CACNB2: variants seen among roughly 807,000 people sequenced by gnomAD.
The protein encoded by CACNB2 is calcium voltage-gated channel auxiliary subunit beta 2.
In CACNB2, 42 loss-of-function variants were observed where a neutral mutation model predicts 73.3. The observed-to-expected ratio is 0.57, with a 90% CI of 0.45 to 0.74. The LOEUF is 0.74. Among genes scored for constraint, CACNB2 ranks in the 30% least tolerant of loss-of-function variants. The pLI is 0.00. For synonymous variants in CACNB2, 348 were observed against 310.3 expected (o/e 1.12, Z -1.28); for missense variants, 940 against 853.0 (o/e 1.10, Z -1.27).
chr10:18,328,173 A>G (rs536828478), intron 2 of CACNB2, among the ~76,000 whole-genome samples: 1 of 152,304 alleles, frequency 6.6e-6, no homozygotes, highest in Non-Finnish European at 1.5e-5. Context: ...CTGAACAATG[A>G]TGAACCATGC....
At chr10:18,415,167 G>T (rs2044872950) in intron 3 of CACNB2, among the ~76,000 whole-genome samples, 1 of 152,144 alleles carries the variant, frequency 6.6e-6, no homozygotes, top group Non-Finnish European at 1.5e-5. Context: ...GTAGCTATCA[G>T]ACTTAAAGCA....
chr10:18,216,865 A>G (rs1029356743), intron 2 of CACNB2, among the ~76,000 whole-genome samples: 5 of 152,248 alleles, frequency 3.3e-5, no homozygotes, highest in African/African-American at 1.2e-4. Flanking sequence ...CCCAGGTCAT[A>G]GGACCAATGA....
chr10:18,305,548 T>C (rs1032459609), intron 2 of CACNB2, among the ~76,000 whole-genome samples: 4 of 152,328 alleles, frequency 2.6e-5, no homozygotes, highest in Non-Finnish European at 4.4e-5. Context: ...AAGACAGTCT[T>C]TCATTATTAC....
intron 2 of CACNB2, among the ~76,000 whole-genome samples, chr10:18,288,933 T>C (rs960589706): frequency 3.3e-5 from 5 of 152,062 alleles, no homozygotes; most frequent in African/African-American, 1.2e-4. Context: ...TCCTCCCAGC[T>C]ACTCAGGAGG....
chr10:18,207,311 T>C, intron 2 of CACNB2, among the ~76,000 whole-genome samples: 1 of 152,204 alleles, frequency 6.6e-6, no homozygotes, highest in East Asian at 1.9e-4. Context: ...AATGCTGGGA[T>C]TACAGGCATG....
At chr10:18,322,574 C>T (rs2131963170) in intron 2 of CACNB2, among the ~76,000 whole-genome samples, 1 of 152,228 alleles carries the variant, frequency 6.6e-6, no homozygotes, top group Non-Finnish European at 1.5e-5. Context: ...TGTGATATCT[C>T]TAATTATATG....
At chr10:18,511,895 A>T (rs577159917) in intron 6 of CACNB2, among the ~76,000 whole-genome samples, 1 of 152,224 alleles carries the variant, frequency 6.6e-6, no homozygotes, top group South Asian at 2.1e-4. Context: ...CTTACGCAGG[A>T]GGAGTAGGTC....
chr10:18,464,797 G>A (rs988536459), intron 3 of CACNB2, among the ~76,000 whole-genome samples: 8 of 152,220 alleles, frequency 5.3e-5, no homozygotes, highest in Admixed American at 1.3e-4. Flanking sequence ...ACGCAGGGGC[G>A]GTAGGAATGG....
chr10:18,418,514 C>G (rs1273054186), intron 3 of CACNB2, among the ~76,000 whole-genome samples: 1 of 152,192 alleles, frequency 6.6e-6, no homozygotes, highest in Non-Finnish European at 1.5e-5. Context: ...TGTAATCTAG[C>G]TTAATAGGCA....
intron 2 of CACNB2, among the ~76,000 whole-genome samples, chr10:18,227,388 T>C (rs933341462): frequency 1.3e-5 from 2 of 151,502 alleles, no homozygotes. Context: ...TCAGAGGGTA[T>C]GCAGTCAAAG....
chr10:18,220,232 T>G (rs2489202), intron 2 of CACNB2, among the ~76,000 whole-genome samples: 4,427 of 24,934 alleles, frequency 0.18, 530 homozygotes, highest in Non-Finnish European at 0.18. Context: ...TATATATATA[T>G]AGAGAGAGAG....
chr10:18,282,685 G>T (rs1281468934), intron 2 of CACNB2, among the ~76,000 whole-genome samples: 2 of 152,190 alleles, frequency 1.3e-5, no homozygotes, highest in African/African-American at 4.8e-5. Context: ...TGGACAAGGA[G>T]TTGCTTTTTT....
At chr10:18,358,966 C>G (rs537133950) in intron 2 of CACNB2, among the ~76,000 whole-genome samples, 2 of 152,178 alleles carry the variant, frequency 1.3e-5, no homozygotes, top group African/African-American at 4.8e-5. Flanking sequence ...CTTATGCAAT[C>G]TTTTTTATGT....
Position 18,290,112 on chromosome 10 carries a change from C to CTT in CACNB2, c.214-111786_214-111785dup, listed in dbSNP as rs992393946. 9.5e-3 allele frequency among the ~76,000 whole-genome samples: 474 copies of CTT among 50,148 alleles called. 71 individuals are homozygous for CTT. The highest frequency in any genetic ancestry group is 0.045 in the Middle Eastern group (2 of 44). 32.9% of individuals were successfully genotyped at this position (50,148 alleles called of 152,430 possible). ...TAAAGTTTTTTTCTTTTTTCTTTTT[C>CTT]TTTTTTTTTTTTTTTTTTTTTTTTT... On this transcript the variant is annotated intron_variant, in intron 2 of 13. Transcript: ENST00000324631.
intron 3 of CACNB2, among the ~76,000 whole-genome samples, chr10:18,488,060 C>T (rs535904790): frequency 2.6e-5 from 4 of 151,432 alleles, no homozygotes; most frequent in South Asian, 2.1e-4. Context: ...CCGCTTGCCT[C>T]GGCCTCCCAA....
chr10:18,391,404 CT>C (rs2043462391), intron 2 of CACNB2, among the ~76,000 whole-genome samples: 1 of 152,046 alleles, frequency 6.6e-6, no homozygotes, highest in African/African-American at 2.4e-5. Context: ...ATTGGGAGAG[CT>C]TTAAACTATA....
At chr10:18,297,626 G>A (rs1406460427) in intron 2 of CACNB2, among the ~76,000 whole-genome samples, 4 of 152,126 alleles carry the variant, frequency 2.6e-5, no homozygotes, top group South Asian at 2.1e-4. Flanking sequence ...ATTCCTCCAC[G>A]GAGAAGACAG....
chr10:18,319,104 C>T (rs527503330), intron 2 of CACNB2, among the ~76,000 whole-genome samples: 3 of 152,224 alleles, frequency 2.0e-5, no homozygotes, highest in African/African-American at 7.2e-5. Context: ...TGGGTATGTA[C>T]CCAAAGGAAT....
At chr10:18,340,876 T>G (rs758833396) in intron 2 of CACNB2, 2 of 1,614,124 alleles carry the variant, frequency 1.2e-6, no homozygotes, top group East Asian at 2.2e-5. Flanking sequence ...TTCTTGCTCC[T>G]GTGAAGAAAA....
Sources: gnomAD v4.1 joint callset for allele counts (sites outside exome capture counted in the v4.1 genomes callset) on GRCh38, gnomAD v4.1.1 for gene constraint, MANE v1.5 for transcripts, NCBI Gene and HGNC (gene_info 2026-07-23, HGNC 2026-07-21) for gene names.